Variants in PARP11 observed in about 807,000 individuals in gnomAD.
The protein encoded by PARP11 is poly(ADP-ribose) polymerase family member 11, also known as protein mono-ADP-ribosyltransferase PARP11.
In PARP11, 31 loss-of-function variants were observed where a neutral mutation model predicts 42.9. That is an observed-to-expected ratio of 0.72 (90% CI 0.54 to 0.98). The LOEUF (loss-of-function observed/expected upper bound fraction) is 0.98, where lower values mean the gene tolerates loss of function less well. Among genes scored for constraint, PARP11 ranks in the 50% least tolerant of loss-of-function variants. The pLI is 0.00. For synonymous variants in PARP11, 137 were observed against 127.3 expected (o/e 1.08, Z -0.51); for missense variants, 365 against 413.1 (o/e 0.88, Z 1.01).
chr12:3,827,930 C>T (rs541483878), intron 3 of PARP11, among the ~76,000 whole-genome samples: 1 of 152,212 alleles, frequency 6.6e-6, no homozygotes, highest in Non-Finnish European at 1.5e-5. Flanking sequence ...AGCCTCCCAT[C>T]CAGGTCTTGT....
chr12:3,845,010 G>C (rs1268739653), intron 1 of PARP11, among the ~76,000 whole-genome samples: 1 of 151,950 alleles, frequency 6.6e-6, no homozygotes, highest in Non-Finnish European at 1.5e-5. Flanking sequence ...TAGAACTGAG[G>C]ATCATTTGCA....
chr12:3,859,932 T>C (rs1403779617), intron 1 of PARP11, among the ~76,000 whole-genome samples: 1 of 152,208 alleles, frequency 6.6e-6, no homozygotes, highest in African/African-American at 2.4e-5. Flanking sequence ...CATTTGCAAG[T>C]GATGAAATTG....
chr12:3,842,846 TAA>T (rs967087346), intron 1 of PARP11, among the ~76,000 whole-genome samples: 11 of 152,254 alleles, frequency 7.2e-5, no homozygotes, highest in African/African-American at 2.7e-4. Context: ...TATAAGTTTA[TAA>T]GTCTGATTTC....
intron 1 of PARP11, among the ~76,000 whole-genome samples, 193 bp downstream of exon 1, chr12:3,873,019 G>A (rs184783415): frequency 6.6e-6 from 1 of 152,324 alleles, no homozygotes; most frequent in Non-Finnish European, 1.5e-5. Flanking sequence ...ATAAAGCATT[G>A]GAGAATCCAC....
intron 1 of PARP11, among the ~76,000 whole-genome samples, chr12:3,870,298 G>C (rs916995464): frequency 6.6e-6 from 1 of 152,204 alleles, no homozygotes; most frequent in East Asian, 1.9e-4. Context: ...TACAGTAGCA[G>C]TAAGACAAAT....
intron 3 of PARP11, among the ~76,000 whole-genome samples, chr12:3,827,440 A>G (rs1328566618): frequency 1.3e-5 from 2 of 152,188 alleles, no homozygotes; most frequent in Admixed American, 1.3e-4. Flanking sequence ...GATACAGTTC[A>G]TCCTCTACAT....
intron 1 of PARP11, among the ~76,000 whole-genome samples, chr12:3,870,183 TTA>T (rs1301686447): frequency 1.3e-5 from 2 of 152,166 alleles, no homozygotes; most frequent in African/African-American, 2.4e-5. Context: ...AACTAACAAA[TTA>T]CTAGAGAAAC....
At chr12:3,862,571 A>G (rs1461634303) in intron 1 of PARP11, among the ~76,000 whole-genome samples, 3 of 149,328 alleles carry the variant, frequency 2.0e-5, no homozygotes, top group African/African-American at 7.3e-5. Flanking sequence ...AAATTTTTCT[A>G]TACTATATAT....
chr12:3,870,340 G>A (rs1948453699), intron 1 of PARP11, among the ~76,000 whole-genome samples: 1 of 152,226 alleles, frequency 6.6e-6, no homozygotes, highest in Non-Finnish European at 1.5e-5. Context: ...AGAAGAATGT[G>A]AGATGATCTG....
intron 1 of PARP11, chr12:3,841,852 C>T: frequency 1.2e-6 from 2 of 1,608,716 alleles, no homozygotes; most frequent in Non-Finnish European, 1.7e-6. Flanking sequence ...GGATCTGTCT[C>T]TGGAAAATCT....
rs141594640 is a variant in PARP11, at chr12:3,822,732, G to GTT, written c.345-577_345-576dup. On this transcript the variant is annotated intron_variant, in intron 4 of 7. Coordinates refer to ENST00000228820, the MANE Select transcript of PARP11 (RefSeq NM_020367.6). ...AAAAACAGTTGCTTAGTTCTGTCTT[G>GTT]TTTTTTTTGAAATTTCCAAAATTTC... Among the ~76,000 whole-genome samples, 33 of 151,148 alleles carry GTT rather than the reference G, an allele frequency of 2.2e-4. 1 individual carries two copies. In the East Asian group the frequency reaches 6.2e-3, roughly 28 times the overall value.
At chr12:3,815,266 C>A (rs1371368431) in intron 6 of PARP11, among the ~76,000 whole-genome samples, 1 of 152,222 alleles carries the variant, frequency 6.6e-6, no homozygotes, top group African/African-American at 2.4e-5. Flanking sequence ...CACAGCATCA[C>A]GTGCTCACTT....
At chr12:3,823,041 GA>G (rs1455690061) in intron 4 of PARP11, among the ~76,000 whole-genome samples, 1 of 152,152 alleles carries the variant, frequency 6.6e-6, no homozygotes, top group East Asian at 1.9e-4. Context: ...TGTGAATACA[GA>G]AAAACAGTGA....
chr12:3,823,906 A>C (rs1264586432), intron 4 of PARP11, among the ~76,000 whole-genome samples: 2 of 145,270 alleles, frequency 1.4e-5, no homozygotes, highest in Non-Finnish European at 1.5e-5. Context: ...ACAGAGTAAG[A>C]CTCTGTCTCA....
In PARP11 at chr12:3,814,125, A is replaced by G. The variant is rs1169024803; in HGVS notation, c.612T>C (p.His204=). ...CTTCCACAAATTCACTGCTGGTACC[A>G]TGAAACAGCATTTGTTCATTAATCT... ...VPQINEQMLF[H]GTSSEFVEAI... Residue 204 remains histidine, a synonymous_variant, in exon 7 of 8, where the codon CAT becomes CAC. Coordinates refer to ENST00000228820, the MANE Select transcript of PARP11 (RefSeq NM_020367.6). 6.2e-7 allele frequency: 1 copy of G among 1,609,410 alleles called. No homozygotes were observed.
At position 3,840,352 on chromosome 12, in the gene PARP11, G is replaced by A; in HGVS notation, c.19-10334C>T. On this transcript the variant is annotated intron_variant, in intron 1 of 7. Transcript: ENST00000228820. The surrounding 1 kb of genome is among the most constrained non-coding windows in gnomAD (Gnocchi z 4.4). ...GAAGATGAAAAAACCTTCCACTTCT[G>A]GACAAAATTTCCATTCTGATATGGA... 6.2e-7 allele frequency: 1 copy of A among 1,614,056 alleles called. No homozygotes were observed. Among genetic ancestry groups the A allele is most frequent in the South Asian group, 1.1e-5 (1 of 91,072 alleles).
intron 1 of PARP11, among the ~76,000 whole-genome samples, chr12:3,837,910 A>G (rs764376884): frequency 1.3e-5 from 2 of 151,992 alleles, no homozygotes; most frequent in African/African-American, 2.4e-5. Flanking sequence ...ACATAATTAT[A>G]AATATCTATG....
At chr12:3,821,433 A>C (rs1183785506) in intron 6 of PARP11, among the ~76,000 whole-genome samples, 1 of 152,218 alleles carries the variant, frequency 6.6e-6, no homozygotes, top group East Asian at 1.9e-4. Flanking sequence ...TACAAAATAA[A>C]CTTTAGGCTA....
chr12:3,842,614 T>G, intron 1 of PARP11: 1 of 806,210 alleles, frequency 1.2e-6, no homozygotes, highest in Admixed American at 2.3e-5. Context: ...CAGTTGGAAC[T>G]CTTTCCTCTC....
Sources: allele counts gnomAD v4.1 joint callset (sites outside exome capture counted in the v4.1 genomes callset), GRCh38; gene constraint gnomAD v4.1.1; non-coding constraint Gnocchi (gnomAD v3.1); transcripts MANE v1.5; gene names NCBI Gene and HGNC (gene_info 2026-07-23, HGNC 2026-07-21).